The following SEPTIN9 variants were observed in gnomAD, a reference collection of about 807,000 sequenced individuals.
The protein encoded by SEPTIN9 is septin-9.
A neutral mutation model predicts 56.6 loss-of-function variants in SEPTIN9; 13 were observed. The observed-to-expected ratio is 0.23, with a 90% CI of 0.15 to 0.37. SEPTIN9 has a LOEUF of 0.37. Among genes scored for constraint, SEPTIN9 ranks in the 10% least tolerant of loss-of-function variants. The pLI, the probability that SEPTIN9 is intolerant of heterozygous loss-of-function variation, is 1.00. For synonymous variants in SEPTIN9, 332 were observed against 334.1 expected (o/e 0.99, Z 0.07); for missense variants, 650 against 823.1 (o/e 0.79, Z 2.57).
At chr17:77,368,415 G>C (rs756717836) in intron 2 of SEPTIN9, among the ~76,000 whole-genome samples, 2 of 151,912 alleles carry the variant, frequency 1.3e-5, no homozygotes, top group Non-Finnish European at 2.9e-5. Flanking sequence ...AGGTTCAGGC[G>C]ATTCTCGTGC....
chr17:77,342,074 C>CAA (rs35151530), intron 2 of SEPTIN9, among the ~76,000 whole-genome samples: 1 of 130,388 alleles, frequency 7.7e-6, no homozygotes, highest in African/African-American at 2.9e-5. Context: ...GACTCTGTCT[C>CAA]AAAAAAAAAA....
At chr17:77,418,302 G>A (rs895675649) in intron 3 of SEPTIN9, among the ~76,000 whole-genome samples, 71 of 152,296 alleles carry the variant, frequency 4.7e-4, no homozygotes, top group African/African-American at 1.6e-3. Flanking sequence ...CCAGCCCCAC[G>A]GCCTCCTTGT....
At chr17:77,393,226 C>T (rs1234867734) in intron 2 of SEPTIN9, among the ~76,000 whole-genome samples, 5 of 152,198 alleles carry the variant, frequency 3.3e-5, no homozygotes, top group East Asian at 1.9e-4. Context: ...GCCCCCATAC[C>T]GGGCAGCATG....
At chr17:77,447,556 C>T (rs1471214503) in intron 3 of SEPTIN9, among the ~76,000 whole-genome samples, 1 of 152,270 alleles carries the variant, frequency 6.6e-6, no homozygotes, top group Non-Finnish European at 1.5e-5. Context: ...GAGTCGTCGT[C>T]AGTCACAGTA....
intron 2 of SEPTIN9, among the ~76,000 whole-genome samples, chr17:77,386,720 G>A (rs2035349078): frequency 6.6e-6 from 1 of 152,190 alleles, no homozygotes; most frequent in African/African-American, 2.4e-5. Context: ...CAGGGGGCTG[G>A]GGGAAAGATC....
intron 2 of SEPTIN9, among the ~76,000 whole-genome samples, chr17:77,382,230 T>C (rs533803560): frequency 6.6e-6 from 1 of 152,322 alleles, no homozygotes; most frequent in African/African-American, 2.4e-5. Flanking sequence ...GGTTTCATCC[T>C]GTTGGCCAGG....
chr17:77,306,755 A>G (rs766771232), intron 1 of SEPTIN9, among the ~76,000 whole-genome samples: 21 of 152,224 alleles, frequency 1.4e-4, no homozygotes, highest in African/African-American at 1.9e-4. Context: ...TCCAGCAGAG[A>G]CACGCTTGGG....
At chr17:77,491,852 AC>A (rs1245770623) in intron 8 of SEPTIN9, among the ~76,000 whole-genome samples, 8 of 144,998 alleles carry the variant, frequency 5.5e-5, no homozygotes, top group Admixed American at 2.1e-4. Context: ...GGTCTCTGCC[AC>A]CTTCTTCTCC....
At position 77,497,019 on chromosome 17, in the gene SEPTIN9, C is replaced by A. The variant is rs1012879507; in HGVS notation, c.1574-296C>A. 136 of 496,208 alleles carry A rather than the reference C, an allele frequency of 2.7e-4. 2 individuals carry two copies. The East Asian group carries it at 4.9e-3, about 18-fold the overall frequency. 30.7% of individuals were successfully genotyped at this position (496,208 alleles called of 1,614,324 possible). A position where few individuals can be genotyped will look rare whatever the true frequency, so the allele number is the denominator to read the frequency against. ...TCCACTGTGGCTTCCTTCCATGCTCCTATTTGGCCTGGTCACTGTGCCATC... is the reference window on the plus strand; with the variant it reads ...TCCACTGTGGCTTCCTTCCATGCTCATATTTGGCCTGGTCACTGTGCCATC... On this transcript the variant is annotated intron_variant, in intron 10 of 11. Coordinates refer to ENST00000427177, the MANE Select transcript of SEPTIN9 (RefSeq NM_001113491.2).
At chr17:77,387,450 C>T (rs887984891) in intron 2 of SEPTIN9, among the ~76,000 whole-genome samples, 8 of 152,198 alleles carry the variant, frequency 5.3e-5, no homozygotes, top group Non-Finnish European at 7.3e-5. Flanking sequence ...TTCACAGGTC[C>T]GAGGGCTAGG....
intron 2 of SEPTIN9, among the ~76,000 whole-genome samples, chr17:77,342,457 T>C (rs2033764338): frequency 6.6e-6 from 1 of 152,244 alleles, no homozygotes; most frequent in African/African-American, 2.4e-5. Context: ...AGAACCAGCA[T>C]TGGACTCCCC....
chr17:77,431,056 A>G (rs1469112039), intron 3 of SEPTIN9, among the ~76,000 whole-genome samples: 1 of 151,990 alleles, frequency 6.6e-6, no homozygotes, highest in Non-Finnish European at 1.5e-5. Context: ...TTGAAAAGCA[A>G]TCTTTGCTGG....
At chr17:77,483,315 G>A (rs2039536262) in intron 4 of SEPTIN9, 1 of 153,002 alleles carries the variant, frequency 6.5e-6, no homozygotes, top group Non-Finnish European at 1.5e-5. Context: ...GGGTCTTGGT[G>A]TCCTCTCTGC....
In SEPTIN9 at chr17:77,434,544, C is replaced by T. The variant is rs1332605776; in HGVS notation, c.721+31841C>T. On this transcript the variant is annotated intron_variant, in intron 3 of 11. Transcript: ENST00000427177. The surrounding 1 kb of genome is among the most constrained non-coding windows in gnomAD (Gnocchi z 5.0). ...GGTGGCAGCCAGGGTGGCAGAGTCC[C>T]ATTGGCCTGCAGGGGACCCTCTGTG... Among the ~76,000 whole-genome samples the T allele has an allele frequency of 1.3e-5, 2 of 152,190 alleles. No homozygotes were observed. Among genetic ancestry groups the T allele is most frequent in the Non-Finnish European group, 2.9e-5 (2 of 68,028 alleles).
At position 77,435,431 on chromosome 17, in the gene SEPTIN9, C is replaced by T. The variant is rs1319736465; in HGVS notation, c.721+32728C>T. On this transcript the variant is annotated intron_variant, in intron 3 of 11. Transcript: ENST00000427177. The surrounding 1 kb of genome is among the most constrained non-coding windows in gnomAD (Gnocchi z 4.5). The stretch of plus-strand genomic sequence containing the variant: ...CCCCCCATGGTGGCTCTGTTTCCTC[C>T]TCTCCTCTGAACCTGCCAGCCTGTG... Among the ~76,000 whole-genome samples the T allele has an allele frequency of 1.3e-5, 2 of 152,190 alleles. No individual in the cohort carries two copies. Among genetic ancestry groups the T allele is most frequent in the Admixed American group, 6.5e-5 (1 of 15,282 alleles).
chr17:77,329,259 G>A lies in SEPTIN9; in HGVS notation c.76+22062G>A, dbSNP rs565400733. ...CCCTGCAGCTGGAGAGGGAGGATCA[G>A]GATCTCTTTAGAGAGGAAGTTGGAG... On this transcript the variant is annotated intron_variant, in intron 2 of 11. Coordinates refer to ENST00000427177, the MANE Select transcript of SEPTIN9 (RefSeq NM_001113491.2). The surrounding 1 kb of genome is among the most constrained non-coding windows in gnomAD (Gnocchi z 4.3). Among the ~76,000 whole-genome samples, 1 of 152,316 alleles carries A rather than the reference G, an allele frequency of 6.6e-6. No individual in the cohort carries two copies. Among genetic ancestry groups the A allele is most frequent in the South Asian group, 2.1e-4 (1 of 4,828 alleles).
intron 2 of SEPTIN9, among the ~76,000 whole-genome samples, chr17:77,351,925 G>A (rs1199915256): frequency 1.3e-5 from 2 of 152,356 alleles, no homozygotes; most frequent in Non-Finnish European, 2.9e-5. Context: ...ACTGCTGGAC[G>A]TGGGAAAATG....
intron 2 of SEPTIN9, among the ~76,000 whole-genome samples, chr17:77,397,603 T>C (rs1469408455): frequency 6.6e-6 from 1 of 152,144 alleles, no homozygotes. Context: ...AGTGCGTCCC[T>C]CCTCCTTGGG....
intron 1 of SEPTIN9, among the ~76,000 whole-genome samples, chr17:77,289,659 T>C (rs1015693783): frequency 6.7e-6 from 1 of 148,570 alleles, no homozygotes; most frequent in Admixed American, 6.7e-5. Context: ...CCGCCCGCCT[T>C]GGCCTCCCAA....
Sources: allele counts gnomAD v4.1 joint callset (sites outside exome capture counted in the v4.1 genomes callset), GRCh38; gene constraint gnomAD v4.1.1; non-coding constraint Gnocchi (gnomAD v3.1); transcripts MANE v1.5; gene names NCBI Gene and HGNC (gene_info 2026-07-23, HGNC 2026-07-21).